RUFY2: variants seen among roughly 807,000 people sequenced by gnomAD.
The protein encoded by RUFY2 is RUN and FYVE domain containing 2, also known as RUN and FYVE domain-containing protein 2.
RUFY2 carries 49 observed loss-of-function variants against 94.4 expected under a neutral mutation model. That is an observed-to-expected ratio of 0.52 (90% CI 0.41 to 0.66). The LOEUF (loss-of-function observed/expected upper bound fraction) is 0.66. Among genes scored for constraint, RUFY2 ranks in the 30% least tolerant of loss-of-function variants. The probability of loss-of-function intolerance (pLI) is 0.00; values close to 1 mark genes in which losing one functional copy is unlikely to be tolerated. For missense variants in RUFY2, 541 were observed against 692.8 expected (o/e 0.78, Z 2.46); for synonymous variants, 255 against 235.7 (o/e 1.08, Z -0.75).
intron 16 of RUFY2, among the ~76,000 whole-genome samples, chr10:68,353,359 G>A (rs533262109): frequency 4.7e-5 from 7 of 150,046 alleles, no homozygotes; most frequent in African/African-American, 9.8e-5. Context: ...TGAGCTAGGC[G>A]TGGGGGCAGG....
At chr10:68,366,822 G>T (rs1446012096) in intron 13 of RUFY2, among the ~76,000 whole-genome samples, 1 of 131,424 alleles carries the variant, frequency 7.6e-6, no homozygotes, top group African/African-American at 2.8e-5. Context: ...ATGTTATATG[G>T]TATATATTAT....
At position 68,401,744 on chromosome 10, in the gene RUFY2, A is replaced by G. The variant is rs1590004616; in HGVS notation, c.179-7T>C. 1 of 1,514,064 alleles carries G rather than the reference A, an allele frequency of 6.6e-7. No individual in the cohort carries two copies. Among genetic ancestry groups the G allele is most frequent in the Non-Finnish European group, 9.2e-7 (1 of 1,088,778 alleles). 93.8% of individuals were successfully genotyped at this position (1,514,064 alleles called of 1,614,324 possible). Reference sequence around the variant, plus strand: ...CTCAAAAATGATTTTCTTACTGAAAAAAAGAACACATAATGCACACAATGT... The same window carrying G: ...CTCAAAAATGATTTTCTTACTGAAAGAAAGAACACATAATGCACACAATGT... On this transcript the variant is annotated splice_polypyrimidine_tract_variant and splice_region_variant and intron_variant, in intron 2 of 17. Transcript: ENST00000602465.
chr10:68,369,793 C>A (rs1406364790), intron 13 of RUFY2, among the ~76,000 whole-genome samples: 1 of 151,836 alleles, frequency 6.6e-6, no homozygotes, highest in African/African-American at 2.4e-5. Context: ...AAAATAAAAG[C>A]CAGTTTGACT....
chr10:68,376,470 A>G (rs1232649580), intron 13 of RUFY2, among the ~76,000 whole-genome samples: 7 of 38,160 alleles, frequency 1.8e-4, no homozygotes, highest in African/African-American at 7.0e-4. Flanking sequence ...ATATATATAT[A>G]TATATATATA....
At chr10:68,391,823 G>C (rs1246848884) in intron 7 of RUFY2, among the ~76,000 whole-genome samples, 1 of 151,248 alleles carries the variant, frequency 6.6e-6, no homozygotes, top group South Asian at 2.1e-4. Flanking sequence ...TTAACTGTGC[G>C]TGGTGGTGGG....
chr10:68,353,827 T>TA (rs932131257), intron 16 of RUFY2, among the ~76,000 whole-genome samples: 11 of 151,252 alleles, frequency 7.3e-5, no homozygotes, highest in Non-Finnish European at 1.6e-4. Flanking sequence ...ATAACATAAA[T>TA]AAAAAATATA....
At chr10:68,357,530 C>A (rs2047147175) in intron 15 of RUFY2, among the ~76,000 whole-genome samples, 1 of 151,840 alleles carries the variant, frequency 6.6e-6, no homozygotes, top group Non-Finnish European at 1.5e-5. Flanking sequence ...CCGTGCCAAG[C>A]CCCAGTTGGT....
chr10:68,348,185 A>AT lies in RUFY2; in HGVS notation c.1600-2102dup, dbSNP rs375494025. The stretch of plus-strand genomic sequence containing the variant: ...AGAGTCAGATAGCTTGAATCATAGA[A>AT]TTTTTTTTTTTTTTTTAATGCAGGA... On this transcript the variant is annotated intron_variant, in intron 16 of 17. Coordinates refer to ENST00000602465, the MANE Select transcript of RUFY2 (RefSeq NM_001330103.2). 4.8e-3 allele frequency among the ~76,000 whole-genome samples: 688 copies of AT among 143,376 alleles called. 2 individuals are homozygous for AT. The highest frequency in any genetic ancestry group is 8.6e-3 in the African/African-American group (334 of 38,972). 94.1% of individuals were successfully genotyped at this position (143,376 alleles called of 152,430 possible).
intron 12 of RUFY2, 153 bp from the exon 13 acceptor site, chr10:68,377,125 A>G: frequency 6.7e-7 from 1 of 1,501,834 alleles, no homozygotes; most frequent in East Asian, 2.3e-5. Context: ...AACGTGAAAG[A>G]GCCACACAAT....
chr10:68,376,103 G>A (rs1373784232), intron 13 of RUFY2, among the ~76,000 whole-genome samples: 12 of 141,864 alleles, frequency 8.5e-5, no homozygotes, highest in African/African-American at 1.3e-4. Flanking sequence ...ACTCCATCTC[G>A]AAGGAAAAAA....
downstream of RUFY2, chr10:68,341,764 C>G (rs2045969018): frequency 6.2e-7 from 1 of 1,600,610 alleles, no homozygotes. Flanking sequence ...TAAAGATAAT[C>G]AGGGAGGCTA....
intron 2 of RUFY2, 48 bp downstream of exon 2, chr10:68,404,623 A>C: frequency 7.1e-7 from 1 of 1,406,822 alleles, no homozygotes; most frequent in Non-Finnish European, 9.4e-7. Context: ...AGGGCACTTG[A>C]AAAACGGAAA....
intron 16 of RUFY2, among the ~76,000 whole-genome samples, chr10:68,351,843 G>A (rs61857315): frequency 0.093 from 14,120 of 151,086 alleles, 984 homozygotes; most frequent in South Asian, 0.24. Flanking sequence ...GATCACCTGA[G>A]GTCAGGAGTT....
Position 68,352,132 on chromosome 10 carries a change from T to C in RUFY2, c.1599+3221A>G, listed in dbSNP as rs905459454. Among the ~76,000 whole-genome samples the C allele has an allele frequency of 2.6e-5, 4 of 152,058 alleles. No individual in the cohort carries two copies. The East Asian group carries it at 7.7e-4, about 29-fold the overall frequency. Reference sequence around the variant, plus strand: ...TACGCAAATTCTTTTCTTTCTTTTTTCAAATTTTGGTAGAGACAAGGGCTT... The same window carrying C: ...TACGCAAATTCTTTTCTTTCTTTTTCCAAATTTTGGTAGAGACAAGGGCTT... On this transcript the variant is annotated intron_variant, in intron 16 of 17. Coordinates refer to ENST00000602465, the MANE Select transcript of RUFY2 (RefSeq NM_001330103.2).
At chr10:68,359,949 C>T (rs974829583) in intron 15 of RUFY2, among the ~76,000 whole-genome samples, 2 of 152,052 alleles carry the variant, frequency 1.3e-5, no homozygotes, top group East Asian at 3.9e-4. Context: ...TCTCAGCCTC[C>T]GAAGTAGCTG....
chr10:68,366,649 C>T (rs1055395438), intron 13 of RUFY2, among the ~76,000 whole-genome samples: 2 of 147,510 alleles, frequency 1.4e-5, no homozygotes, highest in Non-Finnish European at 1.5e-5. Flanking sequence ...GGCTGAGGCA[C>T]GAGAATTGCT....
intron 8 of RUFY2, among the ~76,000 whole-genome samples, chr10:68,385,744 T>G (rs932899263): frequency 6.6e-6 from 1 of 152,168 alleles, no homozygotes; most frequent in Non-Finnish European, 1.5e-5. Context: ...TAGGTAAATA[T>G]AGGTCATCCA....
At position 68,379,507 on chromosome 10, in the gene RUFY2, G is replaced by A. The variant is rs1564820910; in HGVS notation, c.1122C>T (p.Gly374=). 7.5e-6 allele frequency: 12 copies of A among 1,609,678 alleles called. No homozygotes were observed. The highest frequency in any genetic ancestry group is 1.3e-5 in the African/African-American group (1 of 74,604). ...CAATTATTTCATTTTTTTCTTTCAA[G>A]CCATCTTCAGAACCCTATTTATAAA... is the stretch of plus-strand genomic sequence containing the variant. ...MYQKLQGSED[G]LKEKNEIIAR... Residue 374 remains glycine, a synonymous_variant, in exon 12 of 18, where the codon GGC becomes GGT. Transcript: ENST00000602465.
At chr10:68,385,478 G>C (rs996828757) in intron 8 of RUFY2, among the ~76,000 whole-genome samples, 2 of 152,146 alleles carry the variant, frequency 1.3e-5, no homozygotes, top group Non-Finnish European at 2.9e-5. Context: ...CTTTGCACAT[G>C]AGAAGGTGGA....
Sources: allele counts gnomAD v4.1 joint callset (sites outside exome capture counted in the v4.1 genomes callset), GRCh38; gene constraint gnomAD v4.1.1; transcripts MANE v1.5; gene names NCBI Gene and HGNC (gene_info 2026-07-23, HGNC 2026-07-21).